The following DNMBP variants were observed in gnomAD, a reference collection of about 807,000 sequenced individuals.
DNMBP encodes dynamin binding protein.
Under a neutral mutation model 150.0 loss-of-function variants are expected in DNMBP, and 87 were observed. The ratio of observed to expected loss-of-function variants is 0.58; its 90% CI spans 0.49 to 0.69. The LOEUF is 0.69. Among genes scored for constraint, DNMBP ranks in the 30% least tolerant of loss-of-function variants. DNMBP has a pLI of 0.00. For missense variants in DNMBP, 1,774 were observed against 1,949.0 expected (o/e 0.91, Z 1.69); for synonymous variants, 711 against 750.4 (o/e 0.95, Z 0.86).
intron 4 of DNMBP, among the ~76,000 whole-genome samples, chr10:99,923,824 C>T (rs1461303247): frequency 5.3e-5 from 8 of 152,180 alleles, no homozygotes; most frequent in Admixed American, 5.2e-4. Flanking sequence ...CAAGTTCAAA[C>T]ATTTCCCTAC....
At chr10:99,896,658 C>G (rs1213422400) in intron 9 of DNMBP, among the ~76,000 whole-genome samples, 7 of 152,176 alleles carry the variant, frequency 4.6e-5, no homozygotes, top group African/African-American at 7.2e-5. Flanking sequence ...AATCTGAAGT[C>G]AATGCCTGGG....
intron 4 of DNMBP, among the ~76,000 whole-genome samples, chr10:99,944,682 C>A (rs1363463215): frequency 6.6e-6 from 1 of 151,232 alleles, no homozygotes; most frequent in East Asian, 1.9e-4. Context: ...GAGTGATTGA[C>A]CTGAATACCA....
chr10:99,897,835 C>G (rs2039677346), intron 9 of DNMBP, among the ~76,000 whole-genome samples: 1 of 152,100 alleles, frequency 6.6e-6, no homozygotes, highest in African/African-American at 2.4e-5. Flanking sequence ...ATTGCTTGAA[C>G]ATGGGAGGTG....
chr10:99,927,960 G>A (rs1220734769), intron 4 of DNMBP, among the ~76,000 whole-genome samples: 2 of 152,146 alleles, frequency 1.3e-5, no homozygotes, highest in African/African-American at 4.8e-5. Context: ...AGATGCGGGG[G>A]GAAGGGAAGA....
At chr10:99,988,380 C>T (rs1185021272) in intron 1 of DNMBP, among the ~76,000 whole-genome samples, 1 of 152,024 alleles carries the variant, frequency 6.6e-6, no homozygotes, top group Non-Finnish European at 1.5e-5. Flanking sequence ...TTGCTCTGTT[C>T]GTGCCTGGCC....
At chr10:99,940,426 G>A (rs570628354) in intron 4 of DNMBP, among the ~76,000 whole-genome samples, 34 of 152,060 alleles carry the variant, frequency 2.2e-4, no homozygotes, top group Non-Finnish European at 4.0e-4. Context: ...CTTTAACAAT[G>A]GAGGAAGGGT....
intron 11 of DNMBP, among the ~76,000 whole-genome samples, chr10:99,890,172 A>C (rs2039535587): frequency 6.6e-6 from 1 of 152,186 alleles, no homozygotes; most frequent in South Asian, 2.1e-4. Context: ...CTTGAGTGGG[A>C]GATCTAATGT....
chr10:99,887,980 ACACC>A (rs2039496549), intron 12 of DNMBP, among the ~76,000 whole-genome samples: 2 of 151,870 alleles, frequency 1.3e-5, no homozygotes, highest in African/African-American at 4.8e-5. Context: ...GTGCGCCACC[ACACC>A]TGGCTAATTT....
intron 4 of DNMBP, among the ~76,000 whole-genome samples, chr10:99,920,341 C>T (rs976562347): frequency 6.6e-6 from 1 of 152,168 alleles, no homozygotes; most frequent in African/African-American, 2.4e-5. Flanking sequence ...TCCCAAAGTG[C>T]TGGGACTACA....
chr10:99,893,362 C>T (rs186907199), intron 11 of DNMBP, among the ~76,000 whole-genome samples: 5 of 152,304 alleles, frequency 3.3e-5, no homozygotes, highest in Admixed American at 2.0e-4. Flanking sequence ...CAACTACAAG[C>T]GATTTAAATA....
Position 99,898,206 on chromosome 10 carries a change from T to G in DNMBP, c.2800A>C (p.Met934Leu). 4 of 1,614,044 alleles carry G rather than the reference T, an allele frequency of 2.5e-6. No homozygotes were observed. The highest frequency in any genetic ancestry group is 2.5e-6 in the Non-Finnish European group (3 of 1,179,950). The change falls in exon 9 of 17, where the codon ATG becomes CTG. Residue 934 changes from methionine to leucine, a missense_variant. Around this residue, in one of 2 missense-constraint regions of DNMBP, gnomAD observed 1,430 missense variants for 1,492.5 expected, o/e 0.96. Coordinates refer to ENST00000324109, the MANE Select transcript of DNMBP (RefSeq NM_015221.4). ...QRVMRYPLLL[M>L]ELLNSTPESH... ...TCTGGGGTGGAATTCAGCAACTCCA[T>G]TAGCAACAGCGGGTAACGCATTACT...
chr10:99,891,173 C>G (rs1346672083), intron 11 of DNMBP, among the ~76,000 whole-genome samples: 8 of 146,872 alleles, frequency 5.4e-5, no homozygotes, highest in African/African-American at 2.0e-4. Context: ...TCCCCCTCTC[C>G]CTCCCCCTCT....
intron 6 of DNMBP, among the ~76,000 whole-genome samples, chr10:99,904,921 A>AG (rs768387692): frequency 6.6e-6 from 1 of 152,196 alleles, no homozygotes. Flanking sequence ...ATCAGACCTA[A>AG]GGGGAGAAGG....
Position 99,956,875 on chromosome 10 carries a change from T to G in DNMBP, c.599A>C (p.Glu200Ala). 1 of 1,614,108 alleles carries G rather than the reference T, an allele frequency of 6.2e-7. No individual in the cohort carries two copies. The highest frequency in any genetic ancestry group is 8.5e-7 in the Non-Finnish European group (1 of 1,180,020). ...CACAGTCCTCAGGGGCCCCAACAGC[T>G]CTACAAAACCTTCTGGAAAAATGCC... ...RRGIFPEGFV[E>A]LLGPLRTVDE... Residue 200 changes from glutamate (E) to alanine (A), a missense_variant, in exon 4 of 17, where the codon GAG becomes GCG. Physicochemically the swap from Glu to Ala is moderately radical, Grantham distance 107. This residue lies in a region of DNMBP where 344 missense variants were observed against 456.6 expected (regional missense o/e 0.75). Coordinates refer to ENST00000324109, the MANE Select transcript of DNMBP (RefSeq NM_015221.4).
chr10:99,931,649 G>A (rs1437022222), intron 4 of DNMBP, among the ~76,000 whole-genome samples: 2 of 152,086 alleles, frequency 1.3e-5, no homozygotes, highest in Non-Finnish European at 2.9e-5. Flanking sequence ...CGAAAATGAG[G>A]CCAGAAATCA....
Position 99,909,140 on chromosome 10 carries a change from G to A in DNMBP, c.2267C>T (p.Thr756Met), listed in dbSNP as rs777158639. The A allele has an allele frequency of 6.8e-6, 11 of 1,612,540 alleles. No homozygotes were observed. Among genetic ancestry groups the A allele is most frequent in the South Asian group, 2.2e-5 (2 of 90,872 alleles). Reference protein sequence around the residue: ...NMELQQLREMTLLSSQSSSLV... With the variant: ...NMELQQLREMMLLSSQSSSLV... The stretch of plus-strand genomic sequence containing the variant: ...TGATGAAGACTGGGAGGAGAGGAGC[G>A]TCATTTCTAGAAGGGAAAAGAGAAC... The change falls in exon 5 of 17, where the codon ACG becomes ATG. Residue 756 changes from threonine (T) to methionine (M), a missense_variant. Around this residue, in one of 2 missense-constraint regions of DNMBP, gnomAD observed 1,430 missense variants for 1,492.5 expected, o/e 0.96. Coordinates refer to ENST00000324109, the MANE Select transcript of DNMBP (RefSeq NM_015221.4).
At chr10:99,910,776 C>T (rs774949445) in intron 4 of DNMBP, among the ~76,000 whole-genome samples, 13 of 152,130 alleles carry the variant, frequency 8.5e-5, no homozygotes, top group Admixed American at 6.5e-4. Flanking sequence ...GCCAATCTGG[C>T]ACAATTTGAG....
chr10:99,934,552 G>A (rs1356026641), intron 4 of DNMBP, among the ~76,000 whole-genome samples: 1 of 133,860 alleles, frequency 7.5e-6, no homozygotes, highest in Non-Finnish European at 1.6e-5. Flanking sequence ...TACAGAGAGT[G>A]TCCAGAGCAA....
At chr10:99,951,668 CTTT>C (rs2040423923) in intron 4 of DNMBP, among the ~76,000 whole-genome samples, 1 of 152,208 alleles carries the variant, frequency 6.6e-6, no homozygotes, top group South Asian at 2.1e-4. Flanking sequence ...CCTGTAGCCC[CTTT>C]GTTTTGGCCA....
Sources: gnomAD v4.1 joint callset for allele counts (sites outside exome capture counted in the v4.1 genomes callset) on GRCh38, gnomAD v4.1.1 for gene constraint, gnomAD v4.1.1 regional missense constraint, MANE v1.5 for transcripts, NCBI Gene and HGNC (gene_info 2026-07-23, HGNC 2026-07-21) for gene names.